The following PPP6R2 variants were observed in gnomAD, a reference collection of about 807,000 sequenced individuals.
PPP6R2 encodes the protein protein phosphatase 6 regulatory subunit 2.
A neutral mutation model predicts 100.2 loss-of-function variants in PPP6R2; 62 were observed. The observed-to-expected ratio is 0.62, with a 90% CI of 0.50 to 0.76. The LOEUF (loss-of-function observed/expected upper bound fraction) is 0.76. Ranked by LOEUF, PPP6R2 falls within the 30% of genes least tolerant of loss-of-function variation. The probability of loss-of-function intolerance (pLI) is 0.00; values close to 1 mark genes in which losing one functional copy is unlikely to be tolerated. For synonymous variants in PPP6R2, 525 were observed against 514.7 expected (o/e 1.02, Z -0.27); for missense variants, 1,142 against 1,276.3 (o/e 0.89, Z 1.60).
chr22:50,419,600 T>C (rs551291005), intron 8 of PPP6R2, 138 bp downstream of exon 8: 1 of 662,250 alleles, frequency 1.5e-6, no homozygotes, highest in Non-Finnish European at 2.7e-6. Flanking sequence ...TAGATTCCCC[T>C]TGTTGAAGGC....
At chr22:50,433,008 G>A (rs1237544654) in intron 12 of PPP6R2, among the ~76,000 whole-genome samples, 4 of 149,130 alleles carry the variant, frequency 2.7e-5, no homozygotes, top group African/African-American at 9.8e-5. Context: ...CTTAGGCCAC[G>A]CCACGGCCTT....
At chr22:50,394,626 G>T (rs1270999315) in intron 3 of PPP6R2, among the ~76,000 whole-genome samples, 2 of 139,230 alleles carry the variant, frequency 1.4e-5, no homozygotes, top group African/African-American at 2.6e-5. Flanking sequence ...AAAAAAAAAG[G>T]CCGGGCACAG....
chr22:50,331,920 CTATTT>C, the PPP6R2 span, among the ~76,000 whole-genome samples: 72 of 151,896 alleles, frequency 4.7e-4, no homozygotes, highest in Non-Finnish European at 9.0e-4. Context: ...GCATCCGGCC[CTATTT>C]TATTTTATTT....
chr22:50,359,214 G>T (rs1385906665), intron 1 of PPP6R2, among the ~76,000 whole-genome samples: 1 of 131,348 alleles, frequency 7.6e-6, no homozygotes, highest in African/African-American at 2.9e-5. Flanking sequence ...TGGCCAGGCT[G>T]GTCTTTTTTT....
At chr22:50,410,993 T>C (rs2059674324) in intron 4 of PPP6R2, among the ~76,000 whole-genome samples, 1 of 152,158 alleles carries the variant, frequency 6.6e-6, no homozygotes, top group South Asian at 2.1e-4. Context: ...GGTTTCACCA[T>C]GTTGGCAAGG....
At chr22:50,383,022 G>A (rs2148700988) in intron 2 of PPP6R2, among the ~76,000 whole-genome samples, 1 of 152,166 alleles carries the variant, frequency 6.6e-6, no homozygotes, top group South Asian at 2.1e-4. Flanking sequence ...GTTTTTAGTA[G>A]AAATGGGGTT....
chr22:50,358,913 A>AT (rs1388394560), intron 1 of PPP6R2, among the ~76,000 whole-genome samples: 5 of 142,184 alleles, frequency 3.5e-5, no homozygotes, highest in Non-Finnish European at 7.6e-5. Flanking sequence ...TTTATTTTCT[A>AT]TCCTGTGTTA....
chr22:50,352,723 C>CAAAACA (rs565765259), intron 1 of PPP6R2, among the ~76,000 whole-genome samples: 1,936 of 121,732 alleles, frequency 0.016, 19 homozygotes, highest in South Asian at 0.03. Flanking sequence ...GACTCTGTCT[C>CAAAACA]AAAACAAAAA....
chr22:50,394,417 C>A lies in PPP6R2; in HGVS notation c.227+282C>A, dbSNP rs12159888. On this transcript the variant is annotated intron_variant, in intron 3 of 23. Coordinates refer to ENST00000612753, the MANE Select transcript of PPP6R2 (RefSeq NM_001242898.2). ...TGAGACCAGCCTGGGCAACATAGTG[C>A]GACCCTGTCTCTATTAAATTTTTTT... is the stretch of plus-strand genomic sequence containing the variant. 0.36 allele frequency among the ~76,000 whole-genome samples: 54,381 copies of A among 150,774 alleles called. 10,317 individuals carry two copies. The highest frequency in any genetic ancestry group is 0.61 in the South Asian group (2,912 of 4,768).
Position 50,360,463 on chromosome 22 carries a change from A to G in PPP6R2, c.-147-11557A>G, listed in dbSNP as rs180912409. 5.9e-5 allele frequency among the ~76,000 whole-genome samples: 9 copies of G among 151,952 alleles called. No individual in the cohort carries two copies. The East Asian group carries it at 1.7e-3, about 29-fold the overall frequency. ...CTGCAGTCTTGAACTCTCAGGCATA[A>G]GAGACCCTCCTGCCTCAGTTTCCTG... On this transcript the variant is annotated intron_variant, in intron 1 of 23. Transcript: ENST00000612753.
intron 1 of PPP6R2, among the ~76,000 whole-genome samples, chr22:50,347,466 C>T (rs1019842276): frequency 2.0e-5 from 3 of 152,098 alleles, no homozygotes; most frequent in Non-Finnish European, 4.4e-5. Context: ...CCCCGCACTG[C>T]CCTGTTGCTT....
intron 19 of PPP6R2, 28 bp from the exon 20 acceptor site, chr22:50,439,673 C>G: frequency 6.5e-7 from 1 of 1,539,270 alleles, no homozygotes; most frequent in Non-Finnish European, 8.8e-7. Flanking sequence ...CCTGCCCACG[C>G]CTGACCACTG....
intron 2 of PPP6R2, among the ~76,000 whole-genome samples, chr22:50,375,829 C>A (rs1420684357): frequency 5.4e-5 from 4 of 73,650 alleles, no homozygotes; most frequent in Non-Finnish European, 1.0e-4. Flanking sequence ...AGAATCCCTG[C>A]AGATTTTTTT....
At position 50,444,766 on chromosome 22, in the gene PPP6R2, C is replaced by T. The variant is rs2066668116; in HGVS notation, c.*519C>T. Reference sequence around the variant, plus strand: ...AGGAATGCATAATTGACCCTTGCAGCTACCCAATAGCCCTTGGAGCTGGCA... The same window carrying T: ...AGGAATGCATAATTGACCCTTGCAGTTACCCAATAGCCCTTGGAGCTGGCA... On this transcript the variant is annotated 3_prime_UTR_variant, in exon 24 of 24. Transcript: ENST00000612753. 1 of 163,790 alleles carries T rather than the reference C, an allele frequency of 6.1e-6. No individual in the cohort carries two copies. Among genetic ancestry groups the T allele is most frequent in the Admixed American group, 6.4e-5 (1 of 15,510 alleles). 10.1% of individuals were successfully genotyped at this position (163,790 alleles called of 1,614,324 possible).
Position 50,431,655 on chromosome 22 carries a change from G to A in PPP6R2, c.1335+273G>A, listed in dbSNP as rs1364812927. 6.6e-6 allele frequency among the ~76,000 whole-genome samples: 1 copy of A among 152,170 alleles called. No homozygotes were observed. The highest frequency in any genetic ancestry group is 2.4e-5 in the African/African-American group (1 of 41,424). On this transcript the variant is annotated intron_variant, in intron 11 of 23. Transcript: ENST00000612753. The surrounding 1 kb of genome is among the most constrained non-coding windows in gnomAD (Gnocchi z 4.8). Reference sequence around the variant, plus strand: ...GCACTGGATGAGATGAGTTCAGTCTGGCCTCCAGCTGGAGGCCCAGGGAAT... The same window carrying A: ...GCACTGGATGAGATGAGTTCAGTCTAGCCTCCAGCTGGAGGCCCAGGGAAT...
chr22:50,441,140 C>T lies in PPP6R2; in HGVS notation c.2579+114C>T, dbSNP rs1043156412. 4.9e-5 allele frequency: 46 copies of T among 940,086 alleles called. No homozygotes were observed. The African/African-American group carries it at 6.3e-4, about 13-fold the overall frequency. The allele number at this position is 940,086 out of a possible 1,614,324, so 58.2% of individuals were successfully genotyped here. ...AGGTGAGGCCAGGCCAGGGTCTTCT[C>T]CACACTGCCTCCCCCATGGCCCCGT... On this transcript the variant is annotated intron_variant, in intron 22 of 23. Transcript: ENST00000612753.
chr22:50,435,231 C>A, intron 13 of PPP6R2, 150 bp downstream of exon 13: 1 of 587,112 alleles, frequency 1.7e-6, no homozygotes, highest in Non-Finnish European at 2.9e-6. Flanking sequence ...TCACTTCACA[C>A]ATCACATCTC....
At chr22:50,378,912 G>C (rs2052267090) in intron 2 of PPP6R2, among the ~76,000 whole-genome samples, 1 of 150,902 alleles carries the variant, frequency 6.6e-6, no homozygotes, top group African/African-American at 2.4e-5. Context: ...GTGAGGCCTA[G>C]AATATGATGA....
the PPP6R2 span, among the ~76,000 whole-genome samples, chr22:50,338,205 C>CG: frequency 7.5e-4 from 58 of 77,360 alleles, 1 homozygote; most frequent in Admixed American, 1.5e-3. Flanking sequence ...TAGTGTGTGT[C>CG]GGGGGTGTGT....
Sources: allele counts gnomAD v4.1 joint callset (sites outside exome capture counted in the v4.1 genomes callset), GRCh38; gene constraint gnomAD v4.1.1; non-coding constraint Gnocchi (gnomAD v3.1); transcripts MANE v1.5; gene names NCBI Gene and HGNC (gene_info 2026-07-23, HGNC 2026-07-21).